Variants in AMZ2 observed in about 807,000 individuals in gnomAD.
AMZ2 encodes archaemetzincin-2.
A neutral mutation model predicts 36.7 loss-of-function variants in AMZ2; 26 were observed. The observed-to-expected ratio is 0.71, with a 90% CI of 0.52 to 0.98. The LOEUF is 0.98. Ranked by LOEUF, AMZ2 falls within the 50% of genes least tolerant of loss-of-function variation. The probability of loss-of-function intolerance (pLI) is 0.00; values close to 1 mark genes in which losing one functional copy is unlikely to be tolerated. For synonymous variants in AMZ2, 144 were observed against 149.1 expected (o/e 0.97, Z 0.25); for missense variants, 394 against 430.5 (o/e 0.92, Z 0.75).
intron 1 of AMZ2, among the ~76,000 whole-genome samples, chr17:68,227,309 T>A (rs1245144314): frequency 6.6e-6 from 1 of 151,908 alleles, no homozygotes; most frequent in Non-Finnish European, 1.5e-5. Flanking sequence ...ATTGGAGGAG[T>A]AAGAGGCAAC....
rs1213943120 is a variant in AMZ2 at position 68,256,735 on chromosome 17, C to A, written c.928-79C>A. ...ATGGGGTAATATGTCACCCTATGAT[C>A]TAGAAGCCAATGCTTCTCTCTTGCC... On this transcript the variant is annotated intron_variant, in intron 6 of 6. Coordinates refer to ENST00000359904, the MANE Select transcript of AMZ2 (RefSeq NM_016627.5). The A allele has an allele frequency of 3.4e-6, 5 of 1,452,872 alleles. No individual in the cohort carries two copies. The African/African-American group carries it at 4.3e-5, about 12-fold the overall frequency. The allele number at this position is 1,452,872 out of a possible 1,614,324, so 90.0% of individuals were successfully genotyped here. A position where few individuals can be genotyped will look rare whatever the true frequency, so the allele number is the denominator to read the frequency against.
At chr17:68,207,949 G>C (rs2072892715) in intron 1 of AMZ2, among the ~76,000 whole-genome samples, 1 of 130,622 alleles carries the variant, frequency 7.7e-6, no homozygotes, top group African/African-American at 2.9e-5. Flanking sequence ...CACGCACTTG[G>C]AGCAGCCGGC....
intron 1 of AMZ2, chr17:68,207,463 G>T (rs1555724683): frequency 6.6e-6 from 1 of 151,812 alleles, no homozygotes; most frequent in African/African-American, 2.4e-5. Flanking sequence ...GTTTTTAAAA[G>T]CATTAAAAAA....
Position 68,235,725 on chromosome 17 carries a change from C to T in AMZ2, c.-66-12915C>T, listed in dbSNP as rs1267996588. Among the ~76,000 whole-genome samples the T allele has an allele frequency of 6.6e-6, 1 of 152,198 alleles. No homozygotes were observed. Among genetic ancestry groups the T allele is most frequent in the Non-Finnish European group, 1.5e-5 (1 of 68,042 alleles). ...ATCAGGTGCCAGGAGCAGCGTGTGC[C>T]ACGTGTGACCCTGCTCTGCTGTGGC... On this transcript the variant is annotated intron_variant, in intron 1 of 7. Transcript: ENST00000674770. This position sits in a 1 kb window ranked among gnomAD's most constrained non-coding sequence, Gnocchi z 4.2.
Position 68,219,698 on chromosome 17 carries a change from AT to A in AMZ2, c.-67+13476del, listed in dbSNP as rs71142147. Among the ~76,000 whole-genome samples the A allele has an allele frequency of 1.3e-3, 188 of 141,816 alleles. 1 individual carries two copies. The highest frequency in any genetic ancestry group is 2.3e-3 in the South Asian group (10 of 4,440). 93.0% of individuals were successfully genotyped at this position (141,816 alleles called of 152,430 possible). ...AGTTACGCACCACCACATCTGGCAA[AT>A]TTTTTTTTTTTTTTTGTAGAGATGA... is the stretch of plus-strand genomic sequence containing the variant. On this transcript the variant is annotated intron_variant, in intron 1 of 7. Transcript: ENST00000674770.
chr17:68,237,921 C>T (rs1555733098), intron 1 of AMZ2, among the ~76,000 whole-genome samples: 1 of 152,220 alleles, frequency 6.6e-6, no homozygotes, highest in East Asian at 1.9e-4. Flanking sequence ...TTCAGTATTT[C>T]TGTATAGGTC....
Position 68,248,534 on chromosome 17 carries a change from C to T in AMZ2, c.-172C>T. The T allele has an allele frequency of 1.0e-6, 1 of 986,176 alleles. No individual in the cohort carries two copies. Among genetic ancestry groups the T allele is most frequent in the Non-Finnish European group, 1.2e-6 (1 of 830,096 alleles). 61.1% of individuals were successfully genotyped at this position (986,176 alleles called of 1,614,324 possible). A position where few individuals can be genotyped will look rare whatever the true frequency, so the allele number is the denominator to read the frequency against. ...TTCTGCGCCCCCTGCCCATCTTCTC[C>T]CGCAGCTTCCCTAGATTAGGCTTGG... is the stretch of plus-strand genomic sequence containing the variant. On this transcript the variant is annotated 5_prime_UTR_variant, in exon 1 of 7. Transcript: ENST00000359904.
At chr17:68,255,428 C>A (rs1236663134) in intron 5 of AMZ2, among the ~76,000 whole-genome samples, 1 of 152,120 alleles carries the variant, frequency 6.6e-6, no homozygotes, top group Admixed American at 6.5e-5. Flanking sequence ...TGCAAAGCAT[C>A]GCACAGTGCA....
intron 6 of AMZ2, 92 bp downstream of exon 6, chr17:68,255,968 T>G: frequency 7.7e-7 from 1 of 1,302,756 alleles, no homozygotes; most frequent in Non-Finnish European, 1.0e-6. Context: ...GGAGTTATAA[T>G]TTATCAGAGG....
chr17:68,248,113 C>G lies in AMZ2; in HGVS notation c.-593C>G. On this transcript the variant is annotated 5_prime_UTR_variant, in exon 1 of 7. Transcript: ENST00000359904. Reference sequence around the variant, plus strand: ...TGGGTGGTATCGAGGCCTGTCGGGTCAGGGCGGTTCGCGGGTGCTGTCAGA... The same window carrying G: ...TGGGTGGTATCGAGGCCTGTCGGGTGAGGGCGGTTCGCGGGTGCTGTCAGA... The G allele has an allele frequency of 1.0e-6, 1 of 986,334 alleles. No individual in the cohort carries two copies. Among genetic ancestry groups the G allele is most frequent in the Non-Finnish European group, 1.2e-6 (1 of 830,568 alleles). The allele number at this position is 986,334 out of a possible 1,614,324, so 61.1% of individuals were successfully genotyped here.
At chr17:68,246,331 G>A (rs1188782344), upstream of AMZ2, among the ~76,000 whole-genome samples, 2 of 152,006 alleles carry the variant, frequency 1.3e-5, no homozygotes, top group East Asian at 3.9e-4. Flanking sequence ...TCGCACCACT[G>A]CACTCCAGTC....
chr17:68,223,366 A>G (rs1298725594), intron 1 of AMZ2, among the ~76,000 whole-genome samples: 1 of 152,056 alleles, frequency 6.6e-6, no homozygotes, highest in Non-Finnish European at 1.5e-5. Context: ...TCGTGGCCTC[A>G]TTATAATGAA....
chr17:68,251,113 C>G lies in AMZ2; in HGVS notation c.521C>G (p.Thr174Arg), dbSNP rs782698957. Residue 174 changes from threonine to arginine, a missense_variant, in exon 4 of 7, where the codon ACA becomes AGA. Transcript: ENST00000359904. ...PEDAFCVVGITMIDLYPRDSW... is the reference protein window; with the variant it reads ...PEDAFCVVGIRMIDLYPRDSW... ...GATGCCTTCTGTGTTGTGGGAATAA[C>G]AATGATTGATCTTTACCCAAGAGAC... The G allele has an allele frequency of 5.0e-6, 8 of 1,613,852 alleles. No homozygotes were observed. The highest frequency in any genetic ancestry group is 3.4e-6 in the Non-Finnish European group (4 of 1,179,934).
rs1290404828 is a variant in AMZ2 at position 68,235,500 on chromosome 17, C to T, written c.-66-13140C>T. Among the ~76,000 whole-genome samples the T allele has an allele frequency of 2.0e-5, 3 of 152,154 alleles. No homozygotes were observed. The highest frequency in any genetic ancestry group is 7.2e-5 in the African/African-American group (3 of 41,436). ...AGTCCACAGACCGTGGAGTTCGCGCCCTCTCACTGTGGCACACGGGCCTGA... is the reference window on the plus strand; with the variant it reads ...AGTCCACAGACCGTGGAGTTCGCGCTCTCTCACTGTGGCACACGGGCCTGA... On this transcript the variant is annotated intron_variant, in intron 1 of 7. Transcript: ENST00000674770. The surrounding 1 kb of genome is among the most constrained non-coding windows in gnomAD (Gnocchi z 4.2).
At chr17:68,219,424 C>T (rs1190309098) in intron 1 of AMZ2, among the ~76,000 whole-genome samples, 1 of 152,226 alleles carries the variant, frequency 6.6e-6, no homozygotes, top group Non-Finnish European at 1.5e-5. Flanking sequence ...GGGAGGATAT[C>T]CCAATTGCTA....
intron 4 of AMZ2, among the ~76,000 whole-genome samples, chr17:68,253,970 T>C (rs2074697980): frequency 6.6e-6 from 1 of 152,032 alleles, no homozygotes; most frequent in African/African-American, 2.4e-5. Context: ...GTCTTGAGCT[T>C]CTGACATCAG....
chr17:68,246,767 G>T (rs1304935411), upstream of AMZ2: 1 of 152,244 alleles, frequency 6.6e-6, no homozygotes, highest in Non-Finnish European at 1.5e-5. Flanking sequence ...AAGTTGAAAG[G>T]TTCAGAGTTA....
At chr17:68,213,380 G>T (rs1196610785) in intron 1 of AMZ2, among the ~76,000 whole-genome samples, 6 of 152,210 alleles carry the variant, frequency 3.9e-5, no homozygotes, top group Non-Finnish European at 8.8e-5. Flanking sequence ...GGGCTACTTT[G>T]CGTCTTCAGC....
At chr17:68,207,313 A>ACGCC (rs1555724633) in intron 1 of AMZ2, 2 of 110,654 alleles carry the variant, frequency 1.8e-5, no homozygotes, top group Non-Finnish European at 3.8e-5. Flanking sequence ...TTTGTTAAAT[A>ACGCC]CCCCCCCCCC....
Sources: allele counts gnomAD v4.1 joint callset (sites outside exome capture counted in the v4.1 genomes callset), GRCh38; gene constraint gnomAD v4.1.1; non-coding constraint Gnocchi (gnomAD v3.1); transcripts MANE v1.5; gene names NCBI Gene and HGNC (gene_info 2026-07-23, HGNC 2026-07-21).